ERC1: variants seen among roughly 807,000 people sequenced by gnomAD.
The protein encoded by ERC1 is RAB6 interacting protein 2.
In ERC1, 56 loss-of-function variants were observed where a neutral mutation model predicts 132.0. The observed-to-expected ratio is 0.42, with a 90% CI of 0.34 to 0.53. The LOEUF (loss-of-function observed/expected upper bound fraction) is 0.53, where lower values mean the gene tolerates loss of function less well. ERC1 is among the 20% of genes least tolerant of loss of function. The probability of loss-of-function intolerance (pLI) is 0.03; values close to 1 mark genes in which losing one functional copy is unlikely to be tolerated. For missense variants in ERC1, 1,202 were observed against 1,349.9 expected, an observed-to-expected ratio of 0.89 and a Z score of 1.72; for synonymous variants, 478 against 476.1, an observed-to-expected ratio of 1.00 and a Z score of -0.05.
chr12:1,090,866 GTTATTATTATTATTATTA>G (rs746269720), intron 3 of ERC1, among the ~76,000 whole-genome samples: 996 of 26,594 alleles, frequency 0.037, 303 homozygotes, highest in African/African-American at 0.066. Flanking sequence ...TGTTGTTGTT[GTTATTATTATTATTATTA>G]TTATTATTAT....
At chr12:1,139,409 G>C (rs990596318) in intron 7 of ERC1, among the ~76,000 whole-genome samples, 6 of 152,088 alleles carry the variant, frequency 3.9e-5, no homozygotes, top group Admixed American at 1.3e-4. Flanking sequence ...AATGATGCTG[G>C]CATATTGTTA....
intron 1 of ERC1, among the ~76,000 whole-genome samples, chr12:999,257 C>T (rs1425366730): frequency 6.6e-6 from 1 of 152,104 alleles, no homozygotes; most frequent in Non-Finnish European, 1.5e-5. Flanking sequence ...CATCTGTGTG[C>T]TGAGTATTCA....
At chr12:1,380,014 TACAC>T (rs147373240) in intron 16 of ERC1, 5,393 of 152,192 alleles carry the variant, frequency 0.035, 116 homozygotes, top group South Asian at 0.087. Context: ...GAACTACAAA[TACAC>T]ACAACAGGTT....
chr12:1,369,665 A>T (rs1324058513), intron 15 of ERC1, among the ~76,000 whole-genome samples: 2 of 152,160 alleles, frequency 1.3e-5, no homozygotes, highest in African/African-American at 4.8e-5. Flanking sequence ...TTTCACCTTT[A>T]AGCTCATTTC....
chr12:1,487,526 T>G, intron 18 of ERC1, among the ~76,000 whole-genome samples: 1 of 102,964 alleles, frequency 9.7e-6, no homozygotes, highest in Non-Finnish European at 2.3e-5. Context: ...GCAACATAGT[T>G]AGACCGCACC....
intron 1 of ERC1, among the ~76,000 whole-genome samples, chr12:1,003,976 C>CT (rs1254231477): frequency 6.6e-6 from 1 of 152,136 alleles, no homozygotes; most frequent in Non-Finnish European, 1.5e-5. Context: ...TTAGGCAGGG[C>CT]TGAAGGTTCA....
intron 15 of ERC1, among the ~76,000 whole-genome samples, chr12:1,344,676 T>C (rs2084264715): frequency 6.6e-6 from 1 of 152,204 alleles, no homozygotes; most frequent in African/African-American, 2.4e-5. Context: ...ACCTGAGCTC[T>C]CTAGGAAAAC....
rs571950835 is a variant in ERC1, at chr12:1,147,520, T to A, written c.1737+5733T>A. On this transcript the variant is annotated intron_variant, in intron 8 of 18. Transcript: ENST00000360905. The stretch of plus-strand genomic sequence containing the variant: ...TTTCTCCCATTGTGCTTCTCATACA[T>A]TTACTTCTTATTAGGCACAATAACA... Among the ~76,000 whole-genome samples the A allele has an allele frequency of 9.8e-5, 15 of 152,336 alleles. No homozygotes were observed. In the South Asian group the frequency reaches 3.1e-3, roughly 32 times the overall value.
At chr12:1,327,964 A>G (rs775617363) in intron 15 of ERC1, among the ~76,000 whole-genome samples, 64 of 152,218 alleles carry the variant, frequency 4.2e-4, no homozygotes, top group Non-Finnish European at 7.4e-4. Context: ...TGCCTCTCAT[A>G]GCTTTTTCAA....
chr12:1,464,478 T>C (rs2154424141), intron 18 of ERC1, among the ~76,000 whole-genome samples: 1 of 151,526 alleles, frequency 6.6e-6, no homozygotes, highest in East Asian at 1.9e-4. Context: ...AGTTCTCATG[T>C]ACCTTCAGCT....
chr12:1,138,783 T>C (rs747417718), intron 7 of ERC1, among the ~76,000 whole-genome samples: 30 of 152,160 alleles, frequency 2.0e-4, no homozygotes, highest in Non-Finnish European at 4.0e-4. Context: ...TGCTGGTACA[T>C]TGGGACCGTC....
chr12:1,493,907 T>A lies in ERC1; in HGVS notation c.*3677T>A, dbSNP rs1270126891. On this transcript the variant is annotated 3_prime_UTR_variant, in exon 19 of 19. Transcript: ENST00000360905. The stretch of plus-strand genomic sequence containing the variant: ...TCCCTCCGCTATTGAGGGTCAGGGT[T>A]GTGAGGCAACCATCATGTGTCACCC... 1.3e-5 allele frequency: 3 copies of A among 230,902 alleles called. No individual in the cohort carries two copies. The highest frequency in any genetic ancestry group is 2.6e-5 in the Non-Finnish European group (3 of 116,776). 14.3% of individuals were successfully genotyped at this position (230,902 alleles called of 1,614,324 possible).
Position 1,487,809 on chromosome 12 carries a change from C to CGAGA in ERC1, c.3214-2271_3214-2268dup, listed in dbSNP as rs1555132933. 5.2e-3 allele frequency among the ~76,000 whole-genome samples: 756 copies of CGAGA among 145,750 alleles called. 7 individuals are homozygous for CGAGA. Among genetic ancestry groups the CGAGA allele is most frequent in the African/African-American group, 0.018 (710 of 38,478 alleles). ...GAAGAAAAGAAGGAAAGAAAAGAAA[C>CGAGA]GAGAGAGAGAGAGAGAAAGAAAAGA... is the stretch of plus-strand genomic sequence containing the variant. On this transcript the variant is annotated intron_variant, in intron 18 of 18. Coordinates refer to ENST00000360905, the MANE Select transcript of ERC1 (RefSeq NM_178040.4).
chr12:1,028,365 G>T lies in ERC1; in HGVS notation c.462G>T (p.Leu154=). The T allele has an allele frequency of 6.2e-7, 1 of 1,614,174 alleles. No individual in the cohort carries two copies. Residue 154 remains leucine (L), a synonymous_variant, in exon 2 of 19, where the codon CTG becomes CTT. Transcript: ENST00000360905. The part of the protein sequence containing the change: ...RQARDNTIMD[L]QTQLKEVLRE... ...CGAGAGATAACACAATCATGGATCT[G>T]CAGACACAGCTGAAGGAAGTATTAA...
chr12:1,215,703 T>C (rs1036760706), intron 12 of ERC1, among the ~76,000 whole-genome samples: 1 of 152,120 alleles, frequency 6.6e-6, no homozygotes, highest in Non-Finnish European at 1.5e-5. Context: ...AATGAGTGCA[T>C]GTATGCTCTT....
intron 15 of ERC1, among the ~76,000 whole-genome samples, chr12:1,335,116 G>A (rs1371653837): frequency 6.6e-6 from 1 of 152,102 alleles, no homozygotes; most frequent in Admixed American, 6.6e-5. Context: ...ATCACCTTAC[G>A]AAGATTTTGG....
intron 2 of ERC1, among the ~76,000 whole-genome samples, chr12:1,079,909 A>G (rs951294346): frequency 1.1e-4 from 16 of 152,138 alleles, no homozygotes; most frequent in Admixed American, 3.3e-4. Flanking sequence ...TTGATATACA[A>G]AGATACATAT....
chr12:1,482,047 C>T (rs901952723), intron 18 of ERC1, among the ~76,000 whole-genome samples: 2 of 152,144 alleles, frequency 1.3e-5, no homozygotes, highest in Non-Finnish European at 2.9e-5. Flanking sequence ...GTGTCTGAAA[C>T]GGAACACAGT....
intron 12 of ERC1, among the ~76,000 whole-genome samples, chr12:1,220,257 T>C (rs1958851337): frequency 6.6e-6 from 1 of 152,220 alleles, no homozygotes; most frequent in Admixed American, 6.5e-5. Flanking sequence ...GACATACTTT[T>C]TTGTTAGTTT....
Sources: gnomAD v4.1 joint callset for allele counts (sites outside exome capture counted in the v4.1 genomes callset) on GRCh38, gnomAD v4.1.1 for gene constraint, MANE v1.5 for transcripts, NCBI Gene and HGNC (gene_info 2026-07-23, HGNC 2026-07-21) for gene names.